TOP6BL: variants seen among roughly 807,000 people sequenced by gnomAD.
TOP6BL encodes the protein type 2 DNA topoisomerase 6 subunit B-like.
the TOP6BL span, among the ~76,000 whole-genome samples, chr11:66,790,292 T>G: frequency 1.1e-4 from 16 of 151,988 alleles, no homozygotes; most frequent in Non-Finnish European, 8.8e-5. Context: ...ATATGTTACT[T>G]GATCCCAAGG....
chr11:66,832,946 T>TA, the TOP6BL span, among the ~76,000 whole-genome samples: 1 of 151,842 alleles, frequency 6.6e-6, no homozygotes, highest in Non-Finnish European at 1.5e-5. Flanking sequence ...TAGCTTCTGA[T>TA]AAAAACTGTA....
the TOP6BL span, among the ~76,000 whole-genome samples, chr11:66,767,465 T>C: frequency 6.6e-6 from 1 of 152,192 alleles, no homozygotes; most frequent in Admixed American, 6.6e-5. Context: ...TGTTTATAGA[T>C]CTTTATTTTG....
chr11:66,749,252 A>G, the TOP6BL span, among the ~76,000 whole-genome samples: 6 of 152,166 alleles, frequency 3.9e-5, no homozygotes, highest in African/African-American at 1.2e-4. Context: ...CAAGAGCAGT[A>G]TGACAGGTTG....
At chr11:66,745,660 T>G in the TOP6BL span, among the ~76,000 whole-genome samples, 1 of 152,308 alleles carries the variant, frequency 6.6e-6, no homozygotes, top group East Asian at 1.9e-4. Context: ...CCTGCCTGTT[T>G]GTTGTCATCA....
the TOP6BL span, among the ~76,000 whole-genome samples, chr11:66,824,515 A>G: frequency 6.6e-6 from 1 of 151,134 alleles, no homozygotes; most frequent in Non-Finnish European, 1.5e-5. Context: ...TTACATATGT[A>G]TACATGTGCC....
chr11:66,790,940 A>G, the TOP6BL span, among the ~76,000 whole-genome samples: 1 of 152,254 alleles, frequency 6.6e-6, no homozygotes, highest in Non-Finnish European at 1.5e-5. Flanking sequence ...AAGTAAAATA[A>G]TAGTATAGTC....
chr11:66,755,950 C>T, the TOP6BL span, among the ~76,000 whole-genome samples: 1 of 152,222 alleles, frequency 6.6e-6, no homozygotes, highest in Non-Finnish European at 1.5e-5. Context: ...TCTTAACTTG[C>T]TGGCATCTAT....
At chr11:66,785,503 A>G in the TOP6BL span, among the ~76,000 whole-genome samples, 1 of 152,168 alleles carries the variant, frequency 6.6e-6, no homozygotes, top group Non-Finnish European at 1.5e-5. Context: ...TGTTCATGAT[A>G]TGTTTAATCT....
chr11:66,789,231 G>T, the TOP6BL span, among the ~76,000 whole-genome samples: 1 of 152,162 alleles, frequency 6.6e-6, no homozygotes, highest in Admixed American at 6.5e-5. Flanking sequence ...GTGACTCCCA[G>T]TGCAGATCCT....
the TOP6BL span, among the ~76,000 whole-genome samples, chr11:66,817,907 C>G: frequency 6.6e-6 from 1 of 152,284 alleles, no homozygotes; most frequent in Admixed American, 6.5e-5. Flanking sequence ...GAGTTGACTT[C>G]TGCATTTTAA....
chr11:66,832,751 G>A, the TOP6BL span, among the ~76,000 whole-genome samples: 26 of 152,288 alleles, frequency 1.7e-4, no homozygotes, highest in East Asian at 4.1e-3. Context: ...CGCAAATAAA[G>A]CTAAAATCCA....
the TOP6BL span, among the ~76,000 whole-genome samples, chr11:66,756,182 A>T: frequency 6.6e-6 from 1 of 152,246 alleles, no homozygotes; most frequent in Admixed American, 6.5e-5. Context: ...TATATGAGTT[A>T]TAAGAAAGGA....
At chr11:66,759,171 A>G in the TOP6BL span, 2 of 1,033,816 alleles carry the variant, frequency 1.9e-6, no homozygotes, top group Admixed American at 2.9e-5. Flanking sequence ...AAACAAATTT[A>G]TAATGAAAGA....
chr11:66,838,433 G>A, the TOP6BL span: 2 of 1,613,612 alleles, frequency 1.2e-6, no homozygotes, highest in Non-Finnish European at 1.7e-6. Flanking sequence ...CAGCAGCCTG[G>A]AGCTCCTAGC....
chr11:66,746,095 A>G, the TOP6BL span, among the ~76,000 whole-genome samples: 2 of 152,052 alleles, frequency 1.3e-5, no homozygotes, highest in African/African-American at 4.8e-5. Context: ...GGCGTGAGCC[A>G]CCGTGCCCGG....
At chr11:66,786,774 T>G in the TOP6BL span, among the ~76,000 whole-genome samples, 1 of 152,202 alleles carries the variant, frequency 6.6e-6, no homozygotes, top group Non-Finnish European at 1.5e-5. Context: ...AACTGAAGAT[T>G]GACGTAAGAC....
chr11:66,750,431 C>T, the TOP6BL span, among the ~76,000 whole-genome samples: 2 of 151,992 alleles, frequency 1.3e-5, no homozygotes, highest in African/African-American at 4.8e-5. Context: ...CCTGTAATCC[C>T]AGCTACTCGG....
the TOP6BL span, among the ~76,000 whole-genome samples, chr11:66,809,209 G>T: frequency 6.6e-6 from 1 of 152,204 alleles, no homozygotes; most frequent in Non-Finnish European, 1.5e-5. Context: ...AAATAAAAAA[G>T]ATTTCTACAC....
chr11:66,767,503 A>G, the TOP6BL span, among the ~76,000 whole-genome samples: 1 of 152,144 alleles, frequency 6.6e-6, no homozygotes, highest in African/African-American at 2.4e-5. Context: ...TTCTATTCAT[A>G]TTATTTTTAT....
Sources: gnomAD v4.1 joint callset for allele counts (sites outside exome capture counted in the v4.1 genomes callset) on GRCh38, gnomAD v4.1.1 for gene constraint, MANE v1.5 for transcripts, NCBI Gene and HGNC (gene_info 2026-07-23, HGNC 2026-07-21) for gene names.